The following OPA1 variants were observed in gnomAD, a reference collection of about 807,000 sequenced individuals.
The protein encoded by OPA1 is dynamin-like GTPase OPA1, mitochondrial.
In OPA1, 59 loss-of-function variants were observed where a neutral mutation model predicts 152.9. That is an observed-to-expected ratio of 0.39 (90% CI 0.31 to 0.48). OPA1 has a LOEUF of 0.48. Among genes scored for constraint, OPA1 ranks in the 20% least tolerant of loss-of-function variants. OPA1 has a pLI of 0.96. For missense variants in OPA1, 1,008 were observed against 1,216.8 expected (o/e 0.83, Z 2.55); for synonymous variants, 400 against 389.9 (o/e 1.03, Z -0.31).
intron 30 of OPA1, among the ~76,000 whole-genome samples, chr3:193,694,238 C>T (rs1722045024): frequency 6.6e-6 from 1 of 152,164 alleles, no homozygotes; most frequent in Non-Finnish European, 1.5e-5. Flanking sequence ...GAATGGTAAC[C>T]TTGCTTCATT....
chr3:193,657,376 A>G lies in OPA1; in HGVS notation c.2331+144A>G, dbSNP rs1714107993. On this transcript the variant is annotated intron_variant, in intron 23 of 30. Transcript: ENST00000361510. ...TAAAGAAACAGATTTATGATCTGTA[A>G]TCTGCCCTTTAATATTTCCCTGCCC... 1.7e-5 allele frequency: 13 copies of G among 784,166 alleles called. No individual in the cohort carries two copies. The South Asian group carries it at 2.1e-4, about 13-fold the overall frequency. The allele number at this position is 784,166 out of a possible 1,614,324, so 48.6% of individuals were successfully genotyped here. A position where few individuals can be genotyped will look rare whatever the true frequency, so the allele number is the denominator to read the frequency against.
chr3:193,599,356 C>T (rs1008916992), intron 1 of OPA1, among the ~76,000 whole-genome samples: 11 of 151,992 alleles, frequency 7.2e-5, no homozygotes, highest in African/African-American at 2.7e-4. Context: ...GGTCTCTTGC[C>T]CTTTCATTGT....
At chr3:193,684,161 T>A (rs1720597111) in intron 29 of OPA1, among the ~76,000 whole-genome samples, 1 of 152,154 alleles carries the variant, frequency 6.6e-6, no homozygotes, top group Admixed American at 6.5e-5. Flanking sequence ...TGGCTACACA[T>A]AATCATGAAA....
At position 193,616,265 on chromosome 3, in the gene OPA1, C is replaced by T. The variant is rs575645396; in HGVS notation, c.448+495C>T. Among the ~76,000 whole-genome samples, 6 of 152,324 alleles carry T rather than the reference C, an allele frequency of 3.9e-5. No individual in the cohort carries two copies. The South Asian group carries it at 1.2e-3, about 32-fold the overall frequency. Reference sequence around the variant, plus strand: ...TAGCTCAAACCTCTCACCTCAGCCTCTCAAAGCACTGAGATTACAAGTGTG... The same window carrying T: ...TAGCTCAAACCTCTCACCTCAGCCTTTCAAAGCACTGAGATTACAAGTGTG... On this transcript the variant is annotated intron_variant, in intron 3 of 30. Transcript: ENST00000361510.
At position 193,617,978 on chromosome 3, in the gene OPA1, CATT is replaced by C. The variant is rs557011652; in HGVS notation, c.610+144_610+146del. 14 of 676,808 alleles carry C rather than the reference CATT, an allele frequency of 2.1e-5. No homozygotes were observed. The South Asian group carries it at 2.2e-4, about 10-fold the overall frequency. 41.9% of individuals were successfully genotyped at this position (676,808 alleles called of 1,614,324 possible). A position where few individuals can be genotyped will look rare whatever the true frequency, so the allele number is the denominator to read the frequency against. The stretch of plus-strand genomic sequence containing the variant: ...ACCCCAGAACTATATTAGGCAAACT[CATT>C]ATCCTTTAGGTGGAAATAATAAAAT... On this transcript the variant is annotated intron_variant, in intron 5 of 30. Transcript: ENST00000361510.
chr3:193,671,119 C>T (rs1165829251), intron 29 of OPA1, among the ~76,000 whole-genome samples: 1 of 152,100 alleles, frequency 6.6e-6, no homozygotes, highest in Non-Finnish European at 1.5e-5. Flanking sequence ...ATGTTTATGT[C>T]ATCACGCAAA....
At chr3:193,662,197 TAA>T (rs1378752886) in intron 25 of OPA1, among the ~76,000 whole-genome samples, 5 of 152,172 alleles carry the variant, frequency 3.3e-5, no homozygotes, top group Non-Finnish European at 5.9e-5. Context: ...CTAGTGTAGG[TAA>T]GTTTTCCTCC....
intron 7 of OPA1, among the ~76,000 whole-genome samples, chr3:193,626,918 G>T (rs1442120745): frequency 6.6e-6 from 1 of 152,132 alleles, no homozygotes; most frequent in East Asian, 1.9e-4. Context: ...GATTTTAATG[G>T]TTAGGTAATC....
chr3:193,680,508 C>T lies in OPA1; in HGVS notation c.2984-11555C>T, dbSNP rs147853503. Among the ~76,000 whole-genome samples the T allele has an allele frequency of 8.7e-3, 1,329 of 152,274 alleles. 9 individuals are homozygous for T. The highest frequency in any genetic ancestry group is 0.058 in the Middle Eastern group (17 of 294). On this transcript the variant is annotated intron_variant, in intron 29 of 30. Coordinates refer to ENST00000361510, the MANE Select transcript of OPA1 (RefSeq NM_130837.3). ...GTCCCATTGACTGTCCATTCACTTC[C>T]CATCTGTTTTGCAGTCTTAAAGGAA...
At chr3:193,655,138 A>G (rs1713482428) in intron 22 of OPA1, 111 bp downstream of exon 22, 1 of 962,216 alleles carries the variant, frequency 1.0e-6, no homozygotes, top group South Asian at 1.5e-5. Flanking sequence ...TTAGGTCTTT[A>G]TATCTCATTT....
chr3:193,646,050 A>G (rs1402624646), intron 18 of OPA1, among the ~76,000 whole-genome samples: 1 of 133,524 alleles, frequency 7.5e-6, no homozygotes, highest in African/African-American at 2.7e-5. Context: ...AAGACAACAT[A>G]GATATCTGCC....
Position 193,630,853 on chromosome 3 carries a change from G to GT in OPA1, c.790-753dup, listed in dbSNP as rs747501161. On this transcript the variant is annotated intron_variant, in intron 7 of 30. Transcript: ENST00000361510. ...TTAAAACCTGTTATAAAATAAAATT[G>GT]TTTTTTAATATTTTATTTTAGAATT... Among the ~76,000 whole-genome samples, 399 of 152,122 alleles carry GT rather than the reference G, an allele frequency of 2.6e-3. 1 individual carries two copies. The highest frequency in any genetic ancestry group is 0.017 in the Middle Eastern group (5 of 292).
intron 22 of OPA1, among the ~76,000 whole-genome samples, chr3:193,656,451 T>C (rs1176680051): frequency 6.6e-6 from 1 of 152,230 alleles, no homozygotes; most frequent in Admixed American, 6.5e-5. Context: ...GTGCTCTTCC[T>C]TTCACCGTTC....
intron 30 of OPA1, among the ~76,000 whole-genome samples, chr3:193,693,326 T>C (rs1721925519): frequency 6.6e-6 from 1 of 152,164 alleles, no homozygotes; most frequent in South Asian, 2.1e-4. Flanking sequence ...CTTTGTAACT[T>C]TATTTCATTT....
chr3:193,631,288 A>C (rs1214912439), intron 7 of OPA1, among the ~76,000 whole-genome samples: 3 of 152,164 alleles, frequency 2.0e-5, no homozygotes, highest in Non-Finnish European at 4.4e-5. Context: ...TTAGTACAAA[A>C]CAACTTCTGA....
intron 27 of OPA1, 143 bp from the exon 28 acceptor site, chr3:193,666,153 A>ACATC (rs1415371641): frequency 1.4e-6 from 1 of 718,240 alleles, no homozygotes; most frequent in African/African-American, 1.8e-5. Context: ...TCTGTAGCTT[A>ACATC]TATCTACAGT....
Position 193,668,542 on chromosome 3 carries a change from C to G in OPA1, c.2983+1262C>G, listed in dbSNP as rs961985327. ...GCCTCTGCCCGACCCCAGACAGATT[C>G]CTTCCTCACCTGAAGCCAGACCATG... On this transcript the variant is annotated intron_variant, in intron 29 of 30. Coordinates refer to ENST00000361510, the MANE Select transcript of OPA1 (RefSeq NM_130837.3). 5.8e-6 allele frequency: 9 copies of G among 1,548,336 alleles called. No individual in the cohort carries two copies. In the African/African-American group the frequency reaches 1.2e-4, roughly 21 times the overall value.
chr3:193,678,948 T>G (rs377612410), intron 29 of OPA1, among the ~76,000 whole-genome samples: 28 of 151,264 alleles, frequency 1.9e-4, no homozygotes, highest in African/African-American at 6.8e-4. Flanking sequence ...ACTGAAGTTG[T>G]TTTTTTTTCC....
chr3:193,615,130 T>C (rs1419204728), intron 2 of OPA1, 89 bp downstream of exon 2: 6 of 1,026,014 alleles, frequency 5.8e-6, no homozygotes, highest in Non-Finnish European at 9.2e-6. Context: ...TGGAATACAA[T>C]TGGATGTTTA....
Sources: allele counts gnomAD v4.1 joint callset (sites outside exome capture counted in the v4.1 genomes callset), GRCh38; gene constraint gnomAD v4.1.1; transcripts MANE v1.5; gene names NCBI Gene and HGNC (gene_info 2026-07-23, HGNC 2026-07-21).